Variants in GABRB1 observed in about 807,000 individuals in gnomAD.
The protein encoded by GABRB1 is gamma-aminobutyric acid receptor subunit beta-1.
In GABRB1, 17 loss-of-function variants were observed where a neutral mutation model predicts 51.6. The ratio of observed to expected loss-of-function variants is 0.33; its 90% confidence interval spans 0.23 to 0.49. The LOEUF (loss-of-function observed/expected upper bound fraction) is 0.49. GABRB1 is among the 20% of genes least tolerant of loss of function. The probability of loss-of-function intolerance (pLI) is 0.99; values close to 1 mark genes in which losing one functional copy is unlikely to be tolerated. For missense variants in GABRB1, 410 were observed against 600.6 expected (o/e 0.68, Z 3.32); for synonymous variants, 247 against 218.9 (o/e 1.13, Z -1.14).
chr4:47,193,613 T>A (rs192508379), intron 4 of GABRB1, among the ~76,000 whole-genome samples: 31 of 152,346 alleles, frequency 2.0e-4, no homozygotes, highest in Admixed American at 2.0e-3. Context: ...GTTTGGCAAG[T>A]AATAGGTCCT....
chr4:47,228,852 T>A (rs1037240909), intron 4 of GABRB1, among the ~76,000 whole-genome samples: 1 of 152,088 alleles, frequency 6.6e-6, no homozygotes, highest in African/African-American at 2.4e-5. Context: ...TGAAGAGCAA[T>A]TAATGGAAAG....
chr4:47,305,870 A>T (rs1724449512), intron 4 of GABRB1, among the ~76,000 whole-genome samples: 1 of 152,208 alleles, frequency 6.6e-6, no homozygotes, highest in Non-Finnish European at 1.5e-5. Context: ...TCAAAGCAAC[A>T]TTTAAAATAA....
intron 1 of GABRB1, among the ~76,000 whole-genome samples, chr4:47,006,708 G>A (rs1363614906): frequency 6.6e-6 from 1 of 152,122 alleles, no homozygotes; most frequent in East Asian, 1.9e-4. Flanking sequence ...ACAAAGTTTT[G>A]CTATATGTGA....
chr4:47,403,993 C>T (rs932543811), intron 7 of GABRB1, among the ~76,000 whole-genome samples: 10 of 152,294 alleles, frequency 6.6e-5, no homozygotes, highest in African/African-American at 2.4e-4. Context: ...TCTCATTACA[C>T]TAGTTTTTAC....
At chr4:47,410,938 T>A (rs1053348707) in intron 8 of GABRB1, among the ~76,000 whole-genome samples, 4 of 152,068 alleles carry the variant, frequency 2.6e-5, no homozygotes, top group Admixed American at 2.0e-4. Context: ...TAAAACCAAG[T>A]CTCCACATAT....
chr4:47,207,728 C>A (rs529820650), intron 4 of GABRB1, among the ~76,000 whole-genome samples: 20 of 152,174 alleles, frequency 1.3e-4, no homozygotes, highest in Admixed American at 1.2e-3. Flanking sequence ...TTCTCTTCAC[C>A]TACAGAGCTA....
intron 3 of GABRB1, among the ~76,000 whole-genome samples, chr4:47,036,897 A>G (rs1174709102): frequency 2.6e-5 from 4 of 152,116 alleles, no homozygotes; most frequent in African/African-American, 9.7e-5. Context: ...AAAGAAAAGT[A>G]AAGAAAAAAA....
At chr4:47,248,694 G>A (rs754129336) in intron 4 of GABRB1, among the ~76,000 whole-genome samples, 1 of 151,792 alleles carries the variant, frequency 6.6e-6, no homozygotes, top group African/African-American at 2.4e-5. Flanking sequence ...GCTTGTTATT[G>A]GTCTGTTCAG....
In GABRB1 at chr4:47,278,227, G is replaced by A. The variant is rs537290543; in HGVS notation, c.462-41900G>A. On this transcript the variant is annotated intron_variant, in intron 4 of 8. Coordinates refer to ENST00000295454, the MANE Select transcript of GABRB1 (RefSeq NM_000812.4). ...AAGTGTTTAGCACAATGACTGGCAC[G>A]TAGTGAGCACATAATTACTACAAGT... is the stretch of plus-strand genomic sequence containing the variant. 3.9e-4 allele frequency among the ~76,000 whole-genome samples: 59 copies of A among 152,234 alleles called. No homozygotes were observed. In the South Asian group the frequency reaches 5.6e-3, roughly 14 times the overall value.
At chr4:47,119,898 T>TC (rs1376363945) in intron 3 of GABRB1, among the ~76,000 whole-genome samples, 6 of 151,218 alleles carry the variant, frequency 4.0e-5, no homozygotes, top group South Asian at 2.1e-4. Flanking sequence ...AAAGGCTGTT[T>TC]CAAAAAAAAA....
rs144850046 is a variant in GABRB1 at position 47,287,300 on chromosome 4, T to A, written c.462-32827T>A. Among the ~76,000 whole-genome samples, 8 of 152,356 alleles carry A rather than the reference T, an allele frequency of 5.3e-5. No homozygotes were observed. The East Asian group carries it at 1.5e-3, about 29-fold the overall frequency. On this transcript the variant is annotated intron_variant, in intron 4 of 8. Coordinates refer to ENST00000295454, the MANE Select transcript of GABRB1 (RefSeq NM_000812.4). ...ATCACATGATTCAAGTATTTTAATTTTGTCCATGAGCCTTTCTGTTCTATG... is the reference window on the plus strand; with the variant it reads ...ATCACATGATTCAAGTATTTTAATTATGTCCATGAGCCTTTCTGTTCTATG...
At position 47,255,778 on chromosome 4, in the gene GABRB1, C is replaced by A. The variant is rs181540719; in HGVS notation, c.462-64349C>A. Among the ~76,000 whole-genome samples, 31 of 152,302 alleles carry A rather than the reference C, an allele frequency of 2.0e-4. No individual in the cohort carries two copies. In the East Asian group the frequency reaches 5.6e-3, roughly 27 times the overall value. The stretch of plus-strand genomic sequence containing the variant: ...AAAGCCTGAGGATTTACCTTTCCAA[C>A]AAACATTTCATAGTTGATTTGGGTG... On this transcript the variant is annotated intron_variant, in intron 4 of 8. Coordinates refer to ENST00000295454, the MANE Select transcript of GABRB1 (RefSeq NM_000812.4).
At chr4:47,386,647 A>G (rs1031309725) in intron 5 of GABRB1, among the ~76,000 whole-genome samples, 1 of 152,156 alleles carries the variant, frequency 6.6e-6, no homozygotes, top group Non-Finnish European at 1.5e-5. Context: ...GTGGGAGGAT[A>G]TTATCATGAG....
chr4:47,001,365 A>G (rs1475328951), intron 1 of GABRB1, among the ~76,000 whole-genome samples: 1 of 152,062 alleles, frequency 6.6e-6, no homozygotes, highest in Non-Finnish European at 1.5e-5. Context: ...GATGGTCTGA[A>G]TCTCCTGACC....
At chr4:47,086,714 A>G (rs1728095637) in intron 3 of GABRB1, among the ~76,000 whole-genome samples, 1 of 152,074 alleles carries the variant, frequency 6.6e-6, no homozygotes, top group Admixed American at 6.5e-5. Context: ...TCATTGGCTC[A>G]CCCTCTCCAC....
chr4:47,367,414 A>G (rs1727015912), intron 5 of GABRB1, among the ~76,000 whole-genome samples: 1 of 152,216 alleles, frequency 6.6e-6, no homozygotes, highest in African/African-American at 2.4e-5. Flanking sequence ...GTCAAAGCTT[A>G]TTCTATCCTC....
chr4:47,128,290 A>G (rs984796077), intron 3 of GABRB1, among the ~76,000 whole-genome samples: 4 of 151,824 alleles, frequency 2.6e-5, no homozygotes, highest in South Asian at 2.1e-4. Flanking sequence ...CTAAAAAAGA[A>G]AAAAAGTTCT....
At chr4:47,254,361 G>GGTTTTTTTTTT (rs1305298443) in intron 4 of GABRB1, among the ~76,000 whole-genome samples, 2 of 80,966 alleles carry the variant, frequency 2.5e-5, no homozygotes, top group Non-Finnish European at 2.3e-5. Context: ...TCTTTTCTTT[G>GGTTTTTTTTTT]TTTTTTTTTT....
intron 8 of GABRB1, among the ~76,000 whole-genome samples, chr4:47,410,070 T>G (rs1728709090): frequency 6.6e-6 from 1 of 152,234 alleles, no homozygotes; most frequent in African/African-American, 2.4e-5. Flanking sequence ...ATCAGTAAAC[T>G]TTTATTCCTG....
Sources: allele counts gnomAD v4.1 joint callset (sites outside exome capture counted in the v4.1 genomes callset), GRCh38; gene constraint gnomAD v4.1.1; transcripts MANE v1.5; gene names NCBI Gene and HGNC (gene_info 2026-07-23, HGNC 2026-07-21).